Variants in TG observed in about 807,000 individuals in gnomAD.
TG encodes thyroid hormones.
In TG, 270 loss-of-function variants were observed where a neutral mutation model predicts 324.7. That is an observed-to-expected ratio of 0.83 (90% CI 0.75 to 0.92). The LOEUF (loss-of-function observed/expected upper bound fraction) is 0.92, where lower values mean the gene tolerates loss of function less well. TG is among the 40% of genes least tolerant of loss of function. TG has a pLI of 0.00. For missense variants in TG, 3,591 were observed against 3,456.4 expected (o/e 1.04, Z -0.98); for synonymous variants, 1,401 against 1,327.0 (o/e 1.06, Z -1.21).
At chr8:132,948,532 G>A (rs1480780183) in intron 26 of TG, among the ~76,000 whole-genome samples, 1 of 152,202 alleles carries the variant, frequency 6.6e-6, no homozygotes, top group African/African-American at 2.4e-5. Context: ...AGCTCTCATA[G>A]GGAGGGAAAG....
At chr8:132,956,582 C>T (rs190259784) in intron 27 of TG, among the ~76,000 whole-genome samples, 2 of 152,158 alleles carry the variant, frequency 1.3e-5, no homozygotes, top group South Asian at 2.1e-4. Flanking sequence ...AAAAGGCATG[C>T]AACGACGCAG....
In TG at chr8:133,113,490, G is replaced by C. The variant is rs1850434908; in HGVS notation, c.7641G>C (p.Leu2547=). The C allele has an allele frequency of 6.2e-7, 1 of 1,613,850 alleles. No individual in the cohort carries two copies. The highest frequency in any genetic ancestry group is 1.3e-5 in the African/African-American group (1 of 74,838). The change falls in exon 44 of 48, where the codon CTG becomes CTC. Residue 2547 remains leucine, a synonymous_variant. Transcript: ENST00000220616. ...TAFYQALQNS[L]GGEDSDARVE... is the part of the protein sequence containing the mutation. ...TTTACCAGGCACTGCAGAATTCTCTGGGTGGCGAGGACTCAGATGCCCGCG... is the reference window on the plus strand; with the variant it reads ...TTTACCAGGCACTGCAGAATTCTCTCGGTGGCGAGGACTCAGATGCCCGCG...
chr8:132,997,341 G>A (rs955533450), intron 35 of TG, among the ~76,000 whole-genome samples: 1 of 152,204 alleles, frequency 6.6e-6, no homozygotes, highest in East Asian at 1.9e-4. Context: ...GCTTGGAGGT[G>A]TCCAGGAAGC....
chr8:133,078,193 C>A (rs1466267248), intron 41 of TG, among the ~76,000 whole-genome samples: 6 of 152,178 alleles, frequency 3.9e-5, no homozygotes, highest in African/African-American at 1.4e-4. Flanking sequence ...AGAAGAGGAA[C>A]TGGTTTGTGG....
intron 43 of TG, among the ~76,000 whole-genome samples, chr8:133,101,155 C>A (rs372852540): frequency 2.6e-4 from 39 of 152,234 alleles, no homozygotes; most frequent in African/African-American, 8.7e-4. Flanking sequence ...GATGCGCTAT[C>A]ACCACCTTAC....
intron 41 of TG, chr8:133,050,614 C>A: frequency 3.9e-6 from 2 of 509,166 alleles, no homozygotes; most frequent in Non-Finnish European, 7.0e-6. Flanking sequence ...TTTGATCTAC[C>A]AGGCAGTGGG....
intron 18 of TG, among the ~76,000 whole-genome samples, chr8:132,909,362 G>A (rs1487734678): frequency 6.6e-6 from 1 of 152,196 alleles, no homozygotes; most frequent in Non-Finnish European, 1.5e-5. Flanking sequence ...TGGATGCAGG[G>A]AATGGCTGAA....
Position 132,913,076 on chromosome 8 carries a change from G to C in TG, c.4189G>C (p.Gly1397Arg), listed in dbSNP as rs1819762911. 8 of 1,614,034 alleles carry C rather than the reference G, an allele frequency of 5.0e-6. No individual in the cohort carries two copies. The highest frequency in any genetic ancestry group is 6.8e-6 in the Non-Finnish European group (8 of 1,180,036). The change falls in exon 20 of 48, where the codon GGG becomes CGG. Residue 1397 changes from glycine (G) to arginine (R), a missense_variant. By Grantham distance (125) the Gly-to-Arg change is moderately radical (BLOSUM62 -2). Transcript: ENST00000220616. ...ERALVGKDLL[G>R]RFTDLIQSGS... ...AGCCTTGGTGGGCAAGGATCTCCTT[G>C]GGCGCTTCACAGATCTGATCCAGAG...
Position 133,116,573 on chromosome 8 carries a change from T to G in TG, c.7755-36T>G, listed in dbSNP as rs745898076. 4 of 1,594,006 alleles carry G rather than the reference T, an allele frequency of 2.5e-6. No individual in the cohort carries two copies. In the South Asian group the frequency reaches 4.4e-5, roughly 18 times the overall value. ...AGGCACCATGGCCCATAGAGCCATG[T>G]TTAACCAGACTCCCCCCATGTTCTC... On this transcript the variant is annotated intron_variant, in intron 44 of 47. Coordinates refer to ENST00000220616, the MANE Select transcript of TG (RefSeq NM_003235.5).
rs1284423653 is a variant in TG at position 132,906,591 on chromosome 8, C to T, written c.3635-97C>T. On this transcript the variant is annotated intron_variant, in intron 16 of 47. Coordinates refer to ENST00000220616, the MANE Select transcript of TG (RefSeq NM_003235.5). The stretch of plus-strand genomic sequence containing the variant: ...TCCAGGGAAGGGGAGAGGAGGAGGG[C>T]CCAGTGTGAGTGAGAAGGAGACACC... 4 of 1,393,588 alleles carry T rather than the reference C, an allele frequency of 2.9e-6. No homozygotes were observed. The South Asian group carries it at 3.7e-5, about 13-fold the overall frequency. 86.3% of individuals were successfully genotyped at this position (1,393,588 alleles called of 1,614,324 possible).
chr8:133,001,845 C>A, intron 35 of TG: 1 of 985,462 alleles, frequency 1.0e-6, no homozygotes, highest in Non-Finnish European at 1.2e-6. Context: ...ACGGTTTACC[C>A]CAGCCAGCCT....
chr8:133,031,162 T>G (rs895030549), intron 41 of TG, among the ~76,000 whole-genome samples: 5 of 152,168 alleles, frequency 3.3e-5, no homozygotes, highest in Non-Finnish European at 5.9e-5. Flanking sequence ...TACTCTACTT[T>G]CTGTCTCTAT....
chr8:133,058,926 G>C (rs1841945982), intron 41 of TG: 2 of 457,396 alleles, frequency 4.4e-6, no homozygotes, highest in South Asian at 3.2e-5. Flanking sequence ...AAAGGGGTGT[G>C]GGGTGGCTGG....
At chr8:132,907,167 T>A (rs555632263) in intron 17 of TG, among the ~76,000 whole-genome samples, 4 of 152,278 alleles carry the variant, frequency 2.6e-5, no homozygotes, top group African/African-American at 9.6e-5. Flanking sequence ...CTTCCAACTT[T>A]CTTGGGATGT....
chr8:133,104,185 G>A (rs1849590186), intron 43 of TG, among the ~76,000 whole-genome samples: 1 of 152,156 alleles, frequency 6.6e-6, no homozygotes, highest in Admixed American at 6.5e-5. Context: ...GCCAGTGGAG[G>A]GACTGGGAGG....
intron 25 of TG, 75 bp from the exon 26 acceptor site, chr8:132,941,276 T>C (rs1824406116): frequency 6.4e-7 from 1 of 1,573,790 alleles, no homozygotes; most frequent in Non-Finnish European, 8.7e-7. Flanking sequence ...CAAACTGTCC[T>C]GTGAGATCAG....
At position 132,941,233 on chromosome 8, in the gene TG, A is replaced by G. The variant is rs1375436593; in HGVS notation, c.5042-118A>G. On this transcript the variant is annotated intron_variant, in intron 25 of 47. Coordinates refer to ENST00000220616, the MANE Select transcript of TG (RefSeq NM_003235.5). Reference sequence around the variant, plus strand: ...CAGAGAGCATCTCATCTTGGCCCACACGCTGCCTGGAGCACTGTTGCAGCT... The same window carrying G: ...CAGAGAGCATCTCATCTTGGCCCACGCGCTGCCTGGAGCACTGTTGCAGCT... The G allele has an allele frequency of 8.0e-6, 10 of 1,247,678 alleles. No individual in the cohort carries two copies. The African/African-American group carries it at 1.3e-4, about 17-fold the overall frequency. The allele number at this position is 1,247,678 out of a possible 1,614,324, so 77.3% of individuals were successfully genotyped here.
intron 34 of TG, among the ~76,000 whole-genome samples, chr8:132,977,418 C>T (rs912247213): frequency 6.6e-6 from 1 of 152,090 alleles, no homozygotes; most frequent in East Asian, 1.9e-4. Flanking sequence ...AGTATAGTGA[C>T]ATCTATACTG....
intron 34 of TG, among the ~76,000 whole-genome samples, chr8:132,978,464 G>T (rs747061728): frequency 1.2e-4 from 18 of 152,108 alleles, no homozygotes; most frequent in Admixed American, 2.6e-4. Context: ...TACTCTAAAG[G>T]CATTCCTTGT....
Sources: allele counts gnomAD v4.1 joint callset (sites outside exome capture counted in the v4.1 genomes callset), GRCh38; gene constraint gnomAD v4.1.1; transcripts MANE v1.5; gene names NCBI Gene and HGNC (gene_info 2026-07-23, HGNC 2026-07-21).